PTPRZ1: variants seen among roughly 807,000 people sequenced by gnomAD.
PTPRZ1 encodes the protein protein tyrosine phosphatase receptor type Z1.
A neutral mutation model predicts 214.1 loss-of-function variants in PTPRZ1; 82 were observed. That is an observed-to-expected ratio of 0.38 (90% CI 0.32 to 0.46). The LOEUF (loss-of-function observed/expected upper bound fraction) is 0.46. Ranked by LOEUF, PTPRZ1 falls within the 20% of genes least tolerant of loss-of-function variation. The pLI is 1.00. For missense variants in PTPRZ1, 2,603 were observed against 2,748.7 expected (o/e 0.95, Z 1.19); for synonymous variants, 945 against 987.9 (o/e 0.96, Z 0.81).
intron 1 of PTPRZ1, among the ~76,000 whole-genome samples, chr7:121,920,262 G>A (rs972937988): frequency 3.3e-5 from 5 of 152,230 alleles, no homozygotes; most frequent in South Asian, 4.1e-4. Flanking sequence ...GTGAAAGTAC[G>A]TGGGCATAAG....
chr7:121,972,713 T>C (rs71571052), intron 4 of PTPRZ1, 21 bp downstream of exon 4: 1 of 1,501,990 alleles, frequency 6.7e-7, no homozygotes, highest in East Asian at 2.4e-5. Context: ...AGATCTGCTG[T>C]GTACTATTTT....
intron 17 of PTPRZ1, among the ~76,000 whole-genome samples, chr7:122,036,150 C>T (rs983232107): frequency 6.6e-6 from 1 of 152,186 alleles, no homozygotes; most frequent in Non-Finnish European, 1.5e-5. Context: ...TCATCAGCCT[C>T]CTGTTCATCC....
At chr7:121,892,679 C>CATATATATATATATATATATATAT (rs58030102) in intron 1 of PTPRZ1, among the ~76,000 whole-genome samples, 1 of 98,234 alleles carries the variant, frequency 1.0e-5, no homozygotes, top group Non-Finnish European at 2.2e-5. Context: ...TCAAGCATCT[C>CATATATATATATATATATATATAT]ATATATATAT....
At chr7:121,884,477 A>G (rs1390190215) in intron 1 of PTPRZ1, among the ~76,000 whole-genome samples, 1 of 152,152 alleles carries the variant, frequency 6.6e-6, no homozygotes, top group Non-Finnish European at 1.5e-5. Context: ...TGGAAACATC[A>G]TTATGTTTAA....
At chr7:121,976,897 T>C (rs772260916) in intron 6 of PTPRZ1, 46 bp downstream of exon 6, 3 of 1,515,302 alleles carry the variant, frequency 2.0e-6, no homozygotes, top group Non-Finnish European at 2.7e-6. Context: ...CTGCTTTGGA[T>C]GGATAAGAAT....
rs1365341445 is a variant in PTPRZ1 at position 121,984,135 on chromosome 7, ATCT to A, written c.928+22_928+24del. ...TGAAGCAGGTATGTATTTAAATATA[ATCT>A]TCTACAACTCTCATAGATGCAGTGT... On this transcript the variant is annotated intron_variant, in intron 8 of 29. Coordinates refer to ENST00000393386, the MANE Select transcript of PTPRZ1 (RefSeq NM_002851.3). 1.2e-6 allele frequency: 2 copies of A among 1,602,876 alleles called. No individual in the cohort carries two copies. Among genetic ancestry groups the A allele is most frequent in the Non-Finnish European group, 1.7e-6 (2 of 1,172,894 alleles).
intron 1 of PTPRZ1, among the ~76,000 whole-genome samples, chr7:121,881,832 G>A (rs1210444150): frequency 6.6e-6 from 1 of 152,146 alleles, no homozygotes; most frequent in Non-Finnish European, 1.5e-5. Flanking sequence ...GGGACTCCAA[G>A]TGACATTTAT....
At chr7:121,962,497 TTAGTC>T (rs1458870434) in intron 2 of PTPRZ1, among the ~76,000 whole-genome samples, 2 of 151,320 alleles carry the variant, frequency 1.3e-5, no homozygotes, top group South Asian at 2.1e-4. Flanking sequence ...TAGAATAAGA[TTAGTC>T]TAATGTTTCA....
Position 122,034,387 on chromosome 7 carries a change from A to T in PTPRZ1, c.5284+9A>T. ...CATAAATATCGTTGCCTGTAAGTAT[A>T]TTCTTAAATCAGCTCTGACTTCAAT... On this transcript the variant is annotated intron_variant, in intron 17 of 29. Transcript: ENST00000393386. 1 of 1,609,868 alleles carries T rather than the reference A, an allele frequency of 6.2e-7. No homozygotes were observed. Among genetic ancestry groups the T allele is most frequent in the Non-Finnish European group, 8.5e-7 (1 of 1,177,344 alleles).
chr7:121,977,940 G>A (rs1461597403), intron 6 of PTPRZ1, among the ~76,000 whole-genome samples: 4 of 152,100 alleles, frequency 2.6e-5, no homozygotes, highest in Non-Finnish European at 5.9e-5. Context: ...ACCAGCCTGT[G>A]GGGACAATGA....
At chr7:121,934,783 GA>G (rs1399755204) in intron 2 of PTPRZ1, among the ~76,000 whole-genome samples, 3 of 152,148 alleles carry the variant, frequency 2.0e-5, no homozygotes, top group East Asian at 1.9e-4. Flanking sequence ...ATCATCTGTA[GA>G]TTTTTTTTAA....
At chr7:122,003,405 G>C (rs1037771135) in intron 10 of PTPRZ1, among the ~76,000 whole-genome samples, 2 of 152,086 alleles carry the variant, frequency 1.3e-5, no homozygotes, top group Non-Finnish European at 2.9e-5. Context: ...TGGAAGCTAG[G>C]CATGCTTAAT....
intron 1 of PTPRZ1, among the ~76,000 whole-genome samples, chr7:121,921,381 G>T (rs1795592957): frequency 6.6e-6 from 1 of 152,102 alleles, no homozygotes; most frequent in Non-Finnish European, 1.5e-5. Flanking sequence ...CCTTGGTCCT[G>T]TGAGACATAT....
rs753200619 is a variant in PTPRZ1 at position 122,012,637 on chromosome 7, T to C, written c.3591T>C (p.Thr1197=). 1.9e-6 allele frequency: 3 copies of C among 1,613,836 alleles called. No individual in the cohort carries two copies. The highest frequency in any genetic ancestry group is 2.5e-6 in the Non-Finnish European group (3 of 1,179,864). The part of the protein sequence containing the change: ...QASDVDTLLK[T]VLPAVPSDPI... ...CTGATGTTGACACCTTGCTTAAAAC[T>C]GTTCTTCCAGCTGTGCCCAGTGATC... The change falls in exon 12 of 30, where the codon ACT becomes ACC. Residue 1197 remains threonine, a synonymous_variant. Transcript: ENST00000393386.
chr7:121,966,047 G>T (rs1797037764), intron 2 of PTPRZ1, among the ~76,000 whole-genome samples: 1 of 152,148 alleles, frequency 6.6e-6, no homozygotes, highest in Admixed American at 6.6e-5. Flanking sequence ...GAAGAGGTCT[G>T]ATTAGGGAAA....
chr7:121,919,915 AT>A (rs1390228154), intron 1 of PTPRZ1, among the ~76,000 whole-genome samples: 2 of 151,996 alleles, frequency 1.3e-5, no homozygotes, highest in African/African-American at 4.8e-5. Flanking sequence ...TTCTATATAA[AT>A]TTTCAAAAAA....
chr7:122,000,406 G>T (rs962009159), intron 10 of PTPRZ1, among the ~76,000 whole-genome samples: 3 of 151,486 alleles, frequency 2.0e-5, no homozygotes, highest in Admixed American at 1.3e-4. Flanking sequence ...TTTATTATTT[G>T]TGTGACTAAT....
chr7:121,943,631 C>T (rs192787695), intron 2 of PTPRZ1, among the ~76,000 whole-genome samples: 2 of 152,286 alleles, frequency 1.3e-5, no homozygotes, highest in Admixed American at 1.3e-4. Flanking sequence ...AGCCACTGCG[C>T]CCGGCCAATA....
chr7:121,968,170 C>T, intron 3 of PTPRZ1, 40 bp downstream of exon 3: 1 of 1,519,974 alleles, frequency 6.6e-7, no homozygotes, highest in Non-Finnish European at 8.9e-7. Flanking sequence ...ATATATTTTT[C>T]AGACCTGGAG....
Sources: gnomAD v4.1 joint callset for allele counts (sites outside exome capture counted in the v4.1 genomes callset) on GRCh38, gnomAD v4.1.1 for gene constraint, MANE v1.5 for transcripts, NCBI Gene and HGNC (gene_info 2026-07-23, HGNC 2026-07-21) for gene names.